ARHGAP6: variants seen among roughly 807,000 people sequenced by gnomAD.
The protein encoded by ARHGAP6 is Rho GTPase activating protein 6.
Under a neutral mutation model 55.7 loss-of-function variants are expected in ARHGAP6, and 16 were observed. The observed-to-expected ratio is 0.29, with a 90% CI of 0.19 to 0.44. ARHGAP6 has a LOEUF of 0.44. ARHGAP6 is among the 20% of genes least tolerant of loss of function. The pLI, the probability that ARHGAP6 is intolerant of heterozygous loss-of-function variation, is 1.00. For synonymous variants in ARHGAP6, 382 were observed against 360.9 expected (o/e 1.06, Z -0.66); for missense variants, 698 against 808.9 (o/e 0.86, Z 1.66).
chrX:11,483,146 G>A (rs921627747), intron 1 of ARHGAP6, among the ~76,000 whole-genome samples: 7 of 111,703 alleles, frequency 6.3e-5, no homozygotes, highest in Non-Finnish European at 1.3e-4. Flanking sequence ...ATGGGCTGCA[G>A]CAGATATTGA....
intron 1 of ARHGAP6, among the ~76,000 whole-genome samples, chrX:11,297,729 T>C (rs1288255401): frequency 2.7e-5 from 3 of 112,270 alleles, no homozygotes; most frequent in Non-Finnish European, 3.8e-5. Flanking sequence ...ACCGAAAAGA[T>C]TGACACATCT....
At chrX:11,251,799 G>A (rs2047427585) in intron 2 of ARHGAP6, among the ~76,000 whole-genome samples, 2 of 111,704 alleles carry the variant, frequency 1.8e-5, no homozygotes, top group Non-Finnish European at 3.8e-5. Context: ...CAAAGCTACT[G>A]TCATAGAGCT....
intron 1 of ARHGAP6, among the ~76,000 whole-genome samples, chrX:11,327,065 T>C (rs2048508588): frequency 9.0e-6 from 1 of 111,654 alleles, no homozygotes; most frequent in Non-Finnish European, 1.9e-5. Context: ...GTTACTAATG[T>C]TTTGTCCCAC....
intron 1 of ARHGAP6, among the ~76,000 whole-genome samples, chrX:11,438,280 A>G (rs1318128262): frequency 1.8e-5 from 2 of 112,485 alleles, no homozygotes; most frequent in Non-Finnish European, 3.8e-5. Context: ...CTGCAAACCC[A>G]TGGAACCATC....
chrX:11,414,097 T>C (rs2049720297), intron 1 of ARHGAP6, among the ~76,000 whole-genome samples: 1 of 112,199 alleles, frequency 8.9e-6, no homozygotes, highest in Admixed American at 9.5e-5. Flanking sequence ...TGATGTAACG[T>C]AGACCTATCT....
At chrX:11,374,874 A>G (rs1394109454) in intron 1 of ARHGAP6, among the ~76,000 whole-genome samples, 1 of 111,516 alleles carries the variant, frequency 9.0e-6, no homozygotes, top group Non-Finnish European at 1.9e-5. Context: ...CTTTTGAGAA[A>G]GCTTCCCTAC....
intron 1 of ARHGAP6, among the ~76,000 whole-genome samples, chrX:11,361,530 A>G (rs1382724181): frequency 9.0e-6 from 1 of 110,753 alleles, no homozygotes; most frequent in African/African-American, 3.3e-5. Flanking sequence ...CTTAAATGTT[A>G]GACCTAAAAC....
At chrX:11,279,529 C>G (rs2047825115) in intron 1 of ARHGAP6, among the ~76,000 whole-genome samples, 1 of 106,804 alleles carries the variant, frequency 9.4e-6, no homozygotes, top group Admixed American at 1.0e-4. Context: ...TTAATGTTTT[C>G]TCCACATTTC....
intron 2 of ARHGAP6, among the ~76,000 whole-genome samples, chrX:11,239,440 A>T (rs1343686403): frequency 9.0e-6 from 1 of 110,723 alleles, no homozygotes. Context: ...CTAGTGAAAT[A>T]ATCTCCTATT....
chrX:11,151,152 A>G lies in ARHGAP6; in HGVS notation c.1907+5377T>C, dbSNP rs751361325. ...ATTCCCTATTTCCTCACATCCTTAA[A>G]TCAAAGGGTAGGGGAACTATTTTAA... is the stretch of plus-strand genomic sequence containing the variant. On this transcript the variant is annotated intron_variant, in intron 10 of 12. Coordinates refer to ENST00000337414, the MANE Select transcript of ARHGAP6 (RefSeq NM_013427.3). Among the ~76,000 whole-genome samples, 3 of 111,731 alleles carry G rather than the reference A, an allele frequency of 2.7e-5. No homozygotes were observed. In the South Asian group the frequency reaches 1.1e-3, roughly 42 times the overall value.
intron 1 of ARHGAP6, among the ~76,000 whole-genome samples, chrX:11,259,820 G>C (rs1306576494): frequency 9.0e-6 from 1 of 111,501 alleles, no homozygotes; most frequent in African/African-American, 3.3e-5. Flanking sequence ...TTCTGTGGAG[G>C]TAGAGAGAAG....
At chrX:11,472,414 G>A (rs903018617) in intron 1 of ARHGAP6, among the ~76,000 whole-genome samples, 1 of 111,972 alleles carries the variant, frequency 8.9e-6, no homozygotes, top group Admixed American at 9.5e-5. Flanking sequence ...TAGACTGGAG[G>A]GTCACAGAAG....
intron 2 of ARHGAP6, among the ~76,000 whole-genome samples, chrX:11,221,981 A>C (rs2052800711): frequency 9.0e-6 from 1 of 110,769 alleles, no homozygotes; most frequent in African/African-American, 3.3e-5. Context: ...CATGTTCCTA[A>C]TTTAGCTATT....
At chrX:11,506,510 G>C (rs746025967) in intron 1 of ARHGAP6, among the ~76,000 whole-genome samples, 3 of 110,623 alleles carry the variant, frequency 2.7e-5, no homozygotes, top group African/African-American at 9.9e-5. Flanking sequence ...CTGTTCTTGC[G>C]ATAGTTTGCT....
chrX:11,205,431 T>C (rs777522236), intron 2 of ARHGAP6, among the ~76,000 whole-genome samples: 1 of 111,875 alleles, frequency 8.9e-6, no homozygotes, highest in Non-Finnish European at 1.9e-5. Flanking sequence ...TTGCCCCCAG[T>C]TGAGAACAAC....
At chrX:11,306,110 C>G (rs1036572926) in intron 1 of ARHGAP6, among the ~76,000 whole-genome samples, 2 of 111,697 alleles carry the variant, frequency 1.8e-5, no homozygotes, top group Non-Finnish European at 3.8e-5. Flanking sequence ...TCTCACTGCT[C>G]TACGTTGGCT....
chrX:11,191,505 T>C (rs2046461729), intron 3 of ARHGAP6, among the ~76,000 whole-genome samples: 2 of 111,973 alleles, frequency 1.8e-5, no homozygotes, highest in Admixed American at 1.9e-4. Context: ...TTTTTTCTAC[T>C]AGATATTTTG....
chrX:11,224,092 C>T (rs1250200755), intron 2 of ARHGAP6: 3 of 138,573 alleles, frequency 2.2e-5, no homozygotes, highest in African/African-American at 3.2e-5. Context: ...GACATATGAC[C>T]GTGTTACTTA....
At chrX:11,396,672 C>T (rs17255587) in intron 1 of ARHGAP6, among the ~76,000 whole-genome samples, 3,760 of 111,317 alleles carry the variant, frequency 0.034, 68 homozygotes, top group Non-Finnish European at 0.055. Context: ...AAAAACAGTT[C>T]TGGAATGAAT....
Sources: gnomAD v4.1 joint callset for allele counts (sites outside exome capture counted in the v4.1 genomes callset) on GRCh38, gnomAD v4.1.1 for gene constraint, MANE v1.5 for transcripts, NCBI Gene and HGNC (gene_info 2026-07-23, HGNC 2026-07-21) for gene names.